CDH13: variants seen among roughly 807,000 people sequenced by gnomAD.
CDH13 encodes the protein cadherin-13.
CDH13 carries 24 observed loss-of-function variants against 63.8 expected under a neutral mutation model. That is an observed-to-expected ratio of 0.38 (90% CI 0.27 to 0.53). The LOEUF (loss-of-function observed/expected upper bound fraction) is 0.53. Ranked by LOEUF, CDH13 falls within the 20% of genes least tolerant of loss-of-function variation. The pLI is 0.85. For missense variants in CDH13, 1,049 were observed against 903.1 expected, an observed-to-expected ratio of 1.16 and a Z score of -2.07; for synonymous variants, 503 against 355.3, an observed-to-expected ratio of 1.42 and a Z score of -4.67.
chr16:83,365,383 A>G (rs1432248459), intron 6 of CDH13, among the ~76,000 whole-genome samples: 1 of 152,202 alleles, frequency 6.6e-6, no homozygotes, highest in Admixed American at 6.5e-5. Flanking sequence ...TCCTTTTCTC[A>G]GTCTAATAAT....
At chr16:83,544,674 C>T (rs985591436) in intron 7 of CDH13, among the ~76,000 whole-genome samples, 4 of 152,196 alleles carry the variant, frequency 2.6e-5, no homozygotes, top group South Asian at 4.1e-4. Flanking sequence ...GAATGCATAT[C>T]ACTTTCATAC....
chr16:83,010,135 C>CAAAAAAAAAAAAAAAAAAAAAAAAAAAA (rs67985333), intron 2 of CDH13, among the ~76,000 whole-genome samples: 1 of 50,118 alleles, frequency 2.0e-5, no homozygotes, highest in Non-Finnish European at 3.4e-5. Flanking sequence ...AACTCTGTCT[C>CAAAAAAAAAAAAAAAAAAAAAAAAAAAA]AAAAAAAAAA....
At chr16:82,797,923 T>A (rs1053199080) in intron 1 of CDH13, among the ~76,000 whole-genome samples, 3 of 152,094 alleles carry the variant, frequency 2.0e-5, no homozygotes, top group African/African-American at 7.2e-5. Flanking sequence ...AATATGTCCT[T>A]ACTACTGGTT....
chr16:82,889,490 T>C (rs1307794152), intron 2 of CDH13, among the ~76,000 whole-genome samples: 1 of 152,274 alleles, frequency 6.6e-6, no homozygotes, highest in East Asian at 1.9e-4. Context: ...GCACCCACTG[T>C]GTCTGGCATG....
chr16:83,000,220 C>CTTATTA (rs1567731443), intron 2 of CDH13, among the ~76,000 whole-genome samples: 3 of 33,948 alleles, frequency 8.8e-5, no homozygotes, highest in African/African-American at 3.1e-4. Flanking sequence ...ACAGGTTTAG[C>CTTATTA]TTATTTTTTT....
At chr16:83,109,237 C>G (rs12232461) in intron 3 of CDH13, among the ~76,000 whole-genome samples, 68,352 of 151,912 alleles carry the variant, frequency 0.45, 16,317 homozygotes, top group Middle Eastern at 0.58. Flanking sequence ...GGGATGGATT[C>G]CTGGGAAATT....
chr16:82,797,559 T>C (rs561490368), intron 1 of CDH13, among the ~76,000 whole-genome samples: 1 of 152,330 alleles, frequency 6.6e-6, no homozygotes, highest in Non-Finnish European at 1.5e-5. Flanking sequence ...CTAGTTACCA[T>C]ACCATGTCAA....
chr16:83,230,197 T>C (rs2039964077), intron 5 of CDH13, among the ~76,000 whole-genome samples: 1 of 152,226 alleles, frequency 6.6e-6, no homozygotes, highest in Non-Finnish European at 1.5e-5. Flanking sequence ...AACCTAATCA[T>C]GAACTCCACC....
At chr16:83,245,983 T>C (rs1309521685) in intron 5 of CDH13, among the ~76,000 whole-genome samples, 1 of 152,198 alleles carries the variant, frequency 6.6e-6, no homozygotes, top group Non-Finnish European at 1.5e-5. Context: ...GCTATCCACC[T>C]GCCTTGGCCT....
In CDH13 at chr16:82,794,191, T is replaced by A. The variant is rs962043602; in HGVS notation, c.46-64171T>A. 2.0e-5 allele frequency among the ~76,000 whole-genome samples: 3 copies of A among 151,908 alleles called. No homozygotes were observed. In the South Asian group the frequency reaches 6.3e-4, roughly 32 times the overall value. ...TTTTTTTCTTTTCTTTTCTTTTTTT[T>A]TTTAGTTCATCAGCTGTCGTTAGTG... On this transcript the variant is annotated intron_variant, in intron 1 of 13. Coordinates refer to ENST00000567109, the MANE Select transcript of CDH13 (RefSeq NM_001257.5).
At chr16:83,730,760 A>T (rs1910950511) in intron 10 of CDH13, among the ~76,000 whole-genome samples, 1 of 152,110 alleles carries the variant, frequency 6.6e-6, no homozygotes, top group Non-Finnish European at 1.5e-5. Context: ...GAGTGATCCC[A>T]TCACCCAGAC....
At chr16:83,645,004 C>G (rs751096580) in intron 8 of CDH13, among the ~76,000 whole-genome samples, 105 of 152,206 alleles carry the variant, frequency 6.9e-4, no homozygotes, top group Non-Finnish European at 1.2e-3. Context: ...ACTCTTGAAC[C>G]TAACCCCATT....
rs1171405443 is a variant in CDH13 at position 83,509,898 on chromosome 16, G to A, written c.960+23243G>A. 3.9e-5 allele frequency among the ~76,000 whole-genome samples: 6 copies of A among 152,192 alleles called. No homozygotes were observed. The East Asian group carries it at 9.6e-4, about 24-fold the overall frequency. On this transcript the variant is annotated intron_variant, in intron 7 of 13. Coordinates refer to ENST00000567109, the MANE Select transcript of CDH13 (RefSeq NM_001257.5). ...TTAAGCTCAGAGAGGGTAGATGACT[G>A]GCTCAAGGTCACACAGCTACCAGCT... is the stretch of plus-strand genomic sequence containing the variant.
At chr16:82,949,838 T>C (rs1363406821) in intron 2 of CDH13, among the ~76,000 whole-genome samples, 4 of 152,094 alleles carry the variant, frequency 2.6e-5, no homozygotes, top group Non-Finnish European at 5.9e-5. Context: ...TCAAAATGAA[T>C]GTTACAGTGA....
intron 1 of CDH13, among the ~76,000 whole-genome samples, chr16:82,778,012 C>G (rs1459310506): frequency 1.3e-5 from 2 of 152,174 alleles, no homozygotes; most frequent in African/African-American, 2.4e-5. Flanking sequence ...TGCCCTGACA[C>G]TTTTGTTGCC....
At chr16:83,566,560 G>A (rs6563935) in intron 7 of CDH13, among the ~76,000 whole-genome samples, 50,905 of 151,854 alleles carry the variant, frequency 0.34, 8,693 homozygotes, top group African/African-American at 0.39. Context: ...GCAGCAAGCC[G>A]TTTTGTGCTT....
intron 1 of CDH13, chr16:82,727,415 A>C (rs564999603): frequency 5.3e-5 from 8 of 152,258 alleles, no homozygotes; most frequent in South Asian, 4.1e-4. Flanking sequence ...TCTGTGATGC[A>C]CTTAGCAGCC....
chr16:83,704,073 C>A (rs12926342), intron 10 of CDH13, among the ~76,000 whole-genome samples: 28,916 of 152,080 alleles, frequency 0.19, 3,279 homozygotes, highest in African/African-American at 0.33. Flanking sequence ...CAGACTTCAC[C>A]TCACACCCAT....
chr16:82,963,342 G>C (rs1387258525), intron 2 of CDH13, among the ~76,000 whole-genome samples: 1 of 152,160 alleles, frequency 6.6e-6, no homozygotes, highest in African/African-American at 2.4e-5. Flanking sequence ...ATGCACCATT[G>C]CACTCCAGCC....
Sources: allele counts gnomAD v4.1 joint callset (sites outside exome capture counted in the v4.1 genomes callset), GRCh38; gene constraint gnomAD v4.1.1; transcripts MANE v1.5; gene names NCBI Gene and HGNC (gene_info 2026-07-23, HGNC 2026-07-21).